SAMD13: variants seen among roughly 807,000 people sequenced by gnomAD.
SAMD13 encodes the protein sterile alpha motif domain containing 13, also known as sterile alpha motif domain-containing protein 13.
In SAMD13, 9 loss-of-function variants were observed where a neutral mutation model predicts 12.4. That is an observed-to-expected ratio of 0.72 (90% CI 0.44 to 1.26). The LOEUF is 1.26. Among genes scored for constraint, SAMD13 ranks in the 50% most tolerant of loss-of-function variants. The probability of loss-of-function intolerance (pLI) is 0.00; values close to 1 mark genes in which losing one functional copy is unlikely to be tolerated. For synonymous variants in SAMD13, 46 were observed against 45.4 expected (o/e 1.01, Z -0.05); for missense variants, 84 against 119.6 (o/e 0.70, Z 1.39).
At position 84,343,542 on chromosome 1, in the gene SAMD13, A is replaced by G. The variant is rs536813235; in HGVS notation, c.166-6089A>G. ...TGAAGCCCTGAAAAGGAATGAGACC[A>G]TGTCATTTGCAGGGACATGGATGGA... On this transcript the variant is annotated intron_variant, in intron 3 of 3. Coordinates refer to ENST00000394834, the MANE Select transcript of SAMD13 (RefSeq NM_001134663.2). 1.6e-4 allele frequency among the ~76,000 whole-genome samples: 24 copies of G among 152,352 alleles called. No individual in the cohort carries two copies. In the South Asian group the frequency reaches 5.0e-3, roughly 32 times the overall value.
At chr1:84,330,218 G>A (rs1428217474) in intron 3 of SAMD13, among the ~76,000 whole-genome samples, 1 of 152,144 alleles carries the variant, frequency 6.6e-6, no homozygotes, top group Non-Finnish European at 1.5e-5. Context: ...AGTTAATACT[G>A]AGTTAAACAA....
intron 2 of SAMD13, among the ~76,000 whole-genome samples, chr1:84,315,224 C>T (rs1292957577): frequency 6.6e-6 from 1 of 152,088 alleles, no homozygotes; most frequent in Admixed American, 6.6e-5. Flanking sequence ...AATTTTATAC[C>T]TGTTGATTAT....
intron 3 of SAMD13, among the ~76,000 whole-genome samples, chr1:84,336,641 G>A (rs1679300100): frequency 6.6e-6 from 1 of 152,152 alleles, no homozygotes. Flanking sequence ...AGATTTGGGT[G>A]GGGACACAGC....
upstream of SAMD13, chr1:84,299,553 C>G (rs1281228135): frequency 1.4e-6 from 2 of 1,445,320 alleles, no homozygotes; most frequent in African/African-American, 1.4e-5. Flanking sequence ...ACATAGTGCA[C>G]ACATCACACT....
chr1:84,339,101 T>A (rs946071259), intron 3 of SAMD13, among the ~76,000 whole-genome samples: 1 of 152,222 alleles, frequency 6.6e-6, no homozygotes, highest in African/African-American at 2.4e-5. Flanking sequence ...TGAACCTCAA[T>A]GATCTTCATG....
chr1:84,322,782 A>T (rs979008225), intron 2 of SAMD13, among the ~76,000 whole-genome samples: 5 of 151,998 alleles, frequency 3.3e-5, no homozygotes, highest in African/African-American at 1.2e-4. Context: ...CGTTGCTGCT[A>T]TTCATGGTAC....
chr1:84,306,190 C>T (rs1318534573), intron 2 of SAMD13, among the ~76,000 whole-genome samples: 2 of 152,048 alleles, frequency 1.3e-5, no homozygotes, highest in East Asian at 3.9e-4. Context: ...GAAGATCTTG[C>T]ACCTTTTTGC....
At chr1:84,302,239 GAGA>G (rs994919647) in intron 1 of SAMD13, among the ~76,000 whole-genome samples, 1 of 151,906 alleles carries the variant, frequency 6.6e-6, no homozygotes, top group Non-Finnish European at 1.5e-5. Flanking sequence ...GTAATCCCTA[GAGA>G]AGGAGTGCCG....
intron 2 of SAMD13, among the ~76,000 whole-genome samples, chr1:84,318,007 C>T (rs1054064487): frequency 6.6e-6 from 1 of 151,960 alleles, no homozygotes; most frequent in African/African-American, 2.4e-5. Flanking sequence ...ACCTTTTTTA[C>T]TTCTGTAGCA....
rs558955411 is a variant in SAMD13, at chr1:84,321,345, T to C, written c.54-4292T>C. ...AGTGCTGAGATTTCTTGCTAATTTT[T>C]AATAATAAAGCTATATATAAATATA... On this transcript the variant is annotated intron_variant, in intron 2 of 3. Transcript: ENST00000394834. Among the ~76,000 whole-genome samples the C allele has an allele frequency of 8.6e-5, 13 of 151,918 alleles. No individual in the cohort carries two copies. In the South Asian group the frequency reaches 2.7e-3, roughly 32 times the overall value.
intron 2 of SAMD13, among the ~76,000 whole-genome samples, chr1:84,317,742 A>G (rs1175678641): frequency 6.6e-6 from 1 of 152,062 alleles, no homozygotes; most frequent in African/African-American, 2.4e-5. Context: ...CTCCTCTTCA[A>G]TTATTTGGAA....
At chr1:84,310,846 A>G (rs1340536618) in intron 2 of SAMD13, among the ~76,000 whole-genome samples, 3 of 152,180 alleles carry the variant, frequency 2.0e-5, no homozygotes, top group Non-Finnish European at 4.4e-5. Flanking sequence ...ATTTTCTTGA[A>G]GTTTATTCAT....
At chr1:84,317,319 G>A (rs1678855742) in intron 2 of SAMD13, among the ~76,000 whole-genome samples, 1 of 152,030 alleles carries the variant, frequency 6.6e-6, no homozygotes. Context: ...TTTCACCTTT[G>A]AGTATGATGT....
At chr1:84,300,041 G>T (rs1678419892), upstream of SAMD13, among the ~76,000 whole-genome samples, 1 of 152,134 alleles carries the variant, frequency 6.6e-6, no homozygotes, top group South Asian at 2.1e-4. Flanking sequence ...GAGCAGCACT[G>T]TCAGGACAAC....
At chr1:84,336,627 G>T (rs908647732) in intron 3 of SAMD13, among the ~76,000 whole-genome samples, 4 of 152,150 alleles carry the variant, frequency 2.6e-5, no homozygotes, top group African/African-American at 2.4e-5. Flanking sequence ...GGGAATTCAA[G>T]ATGAGATTTG....
chr1:84,312,898 G>A (rs185236826), intron 2 of SAMD13, among the ~76,000 whole-genome samples: 52 of 152,192 alleles, frequency 3.4e-4, no homozygotes, highest in Middle Eastern at 3.4e-3. Context: ...TTGCATCAGG[G>A]GAAATGTTAT....
intron 2 of SAMD13, among the ~76,000 whole-genome samples, chr1:84,309,028 A>G (rs146344701): frequency 1.6e-3 from 246 of 152,348 alleles, no homozygotes; most frequent in African/African-American, 5.6e-3. Flanking sequence ...TATAAAATAT[A>G]GAGTTGTTGT....
intron 3 of SAMD13, among the ~76,000 whole-genome samples, chr1:84,340,974 G>A (rs761529699): frequency 1.3e-5 from 2 of 152,114 alleles, no homozygotes; most frequent in Non-Finnish European, 1.5e-5. Context: ...ATGGAGAAAC[G>A]GTAAATCACT....
intron 1 of SAMD13, among the ~76,000 whole-genome samples, chr1:84,302,337 C>CTTTTTTT (rs34069417): frequency 8.1e-6 from 1 of 123,166 alleles, no homozygotes. Flanking sequence ...CTGTTTCTTC[C>CTTTTTTT]TTTTTTTTTT....
Sources: allele counts gnomAD v4.1 joint callset (sites outside exome capture counted in the v4.1 genomes callset), GRCh38; gene constraint gnomAD v4.1.1; transcripts MANE v1.5; gene names NCBI Gene and HGNC (gene_info 2026-07-23, HGNC 2026-07-21).